PIGU: variants seen among roughly 807,000 people sequenced by gnomAD.
PIGU encodes the protein GPI-anchor transamidase component PIGU.
Under a neutral mutation model 49.9 loss-of-function variants are expected in PIGU, and 24 were observed. The observed-to-expected ratio is 0.48, with a 90% confidence interval of 0.35 to 0.68. The LOEUF is 0.68. PIGU is among the 30% of genes least tolerant of loss of function. The pLI is 0.01. For missense variants in PIGU, 490 were observed against 532.6 expected (o/e 0.92, Z 0.79); for synonymous variants, 220 against 205.7 (o/e 1.07, Z -0.59).
At chr20:34,638,180 C>T (rs1288233595) in intron 4 of PIGU, among the ~76,000 whole-genome samples, 195 bp from the exon 5 acceptor site, 3 of 152,308 alleles carry the variant, frequency 2.0e-5, no homozygotes, top group Middle Eastern at 3.4e-3. Context: ...TGCTGTGTCC[C>T]TCCTTTTCCC....
chr20:34,571,987 G>A (rs1252331570), intron 11 of PIGU, among the ~76,000 whole-genome samples: 1 of 152,122 alleles, frequency 6.6e-6, no homozygotes, highest in African/African-American at 2.4e-5. Context: ...GAAGTACTTG[G>A]ACCCCCTGCT....
chr20:34,569,339 C>T (rs1982910276), intron 11 of PIGU, among the ~76,000 whole-genome samples: 1 of 152,170 alleles, frequency 6.6e-6, no homozygotes, highest in African/African-American at 2.4e-5. Flanking sequence ...AAGCGATTCT[C>T]CTGCCTCAGC....
chr20:34,665,224 G>T (rs1486010455), intron 1 of PIGU, among the ~76,000 whole-genome samples: 1 of 35,256 alleles, frequency 2.8e-5, no homozygotes, highest in African/African-American at 1.1e-4. Context: ...TTTTTTTTGA[G>T]ACTGAGTCTC....
chr20:34,599,829 C>G (rs985300264), intron 7 of PIGU, among the ~76,000 whole-genome samples: 1 of 152,140 alleles, frequency 6.6e-6, no homozygotes, highest in Non-Finnish European at 1.5e-5. Context: ...TATGGCCCCC[C>G]CTGTAAGCTT....
chr20:34,622,162 A>G (rs1360341076), intron 6 of PIGU, among the ~76,000 whole-genome samples: 1 of 152,168 alleles, frequency 6.6e-6, no homozygotes, highest in African/African-American at 2.4e-5. Flanking sequence ...TTTCGTGAAA[A>G]TTCACGTATC....
At chr20:34,621,707 G>C (rs574354239) in intron 6 of PIGU, among the ~76,000 whole-genome samples, 2 of 152,338 alleles carry the variant, frequency 1.3e-5, no homozygotes, top group East Asian at 3.9e-4. Flanking sequence ...CAGAGTCAGA[G>C]AAGATCAAGG....
At chr20:34,652,166 A>T (rs982556529) in intron 2 of PIGU, among the ~76,000 whole-genome samples, 1 of 152,008 alleles carries the variant, frequency 6.6e-6, no homozygotes, top group Admixed American at 6.6e-5. Flanking sequence ...CAACCAGCTA[A>T]TTTATTTTTC....
intron 7 of PIGU, among the ~76,000 whole-genome samples, chr20:34,595,523 T>C (rs77349059): frequency 0.013 from 1,996 of 152,274 alleles, 49 homozygotes; most frequent in African/African-American, 0.046. Context: ...GAGGGAAGAC[T>C]GTAATTACCT....
intron 6 of PIGU, among the ~76,000 whole-genome samples, chr20:34,624,520 T>C (rs1341620584): frequency 6.6e-6 from 1 of 152,200 alleles, no homozygotes; most frequent in Non-Finnish European, 1.5e-5. Flanking sequence ...TTTGGTGGCA[T>C]AAGGAAAGCT....
At chr20:34,676,870 T>C (rs1265287735) in intron 1 of PIGU, 86 bp downstream of exon 1, 4 of 1,472,278 alleles carry the variant, frequency 2.7e-6, no homozygotes, top group African/African-American at 2.8e-5. Flanking sequence ...AACCGCGCGC[T>C]GGCGGTCACT....
chr20:34,643,371 A>G (rs1167857465), intron 4 of PIGU, among the ~76,000 whole-genome samples: 4 of 152,224 alleles, frequency 2.6e-5, no homozygotes, highest in African/African-American at 9.7e-5. Context: ...CACCAGCTTC[A>G]TCTGTCACTG....
At chr20:34,637,700 G>A (rs1251693914) in intron 5 of PIGU, among the ~76,000 whole-genome samples, 176 bp downstream of exon 5, 1 of 152,118 alleles carries the variant, frequency 6.6e-6, no homozygotes, top group Non-Finnish European at 1.5e-5. Flanking sequence ...AGACAGAATG[G>A]CTCTGTCTCT....
intron 11 of PIGU, among the ~76,000 whole-genome samples, chr20:34,572,534 A>T (rs930162807): frequency 2.0e-5 from 3 of 152,126 alleles, no homozygotes; most frequent in African/African-American, 7.2e-5. Context: ...CACGCCTATA[A>T]TCCTGGCTAC....
At chr20:34,665,424 C>G (rs1186062053) in intron 1 of PIGU, among the ~76,000 whole-genome samples, 1 of 151,158 alleles carries the variant, frequency 6.6e-6, no homozygotes, top group Non-Finnish European at 1.5e-5. Context: ...AGGATGGTCT[C>G]GATCTCCTGA....
chr20:34,645,390 G>T, intron 2 of PIGU, 56 bp from the exon 3 acceptor site: 1 of 1,504,090 alleles, frequency 6.6e-7, no homozygotes. Flanking sequence ...ACTATTATCA[G>T]TTTCCAGAGT....
Position 34,657,336 on chromosome 20 carries a change from G to A in PIGU, c.131-92C>T, listed in dbSNP as rs974557259. 63 of 881,594 alleles carry A rather than the reference G, an allele frequency of 7.1e-5. No individual in the cohort carries two copies. In the African/African-American group the frequency reaches 8.1e-4, roughly 11 times the overall value. The allele number at this position is 881,594 out of a possible 1,614,324, so 54.6% of individuals were successfully genotyped here. ...CCCCACAACCAAAAAGGGCCTTAGC[G>A]TTTATCTAACCCCCTTTACCTCATC... On this transcript the variant is annotated intron_variant, in intron 1 of 11. Transcript: ENST00000217446.
chr20:34,659,682 A>C (rs2146787570), intron 1 of PIGU, among the ~76,000 whole-genome samples: 1 of 152,260 alleles, frequency 6.6e-6, no homozygotes, highest in Admixed American at 6.5e-5. Flanking sequence ...TAGACATGGG[A>C]GACTTTTCAT....
At chr20:34,668,861 G>A (rs973053501) in intron 1 of PIGU, among the ~76,000 whole-genome samples, 2 of 134,172 alleles carry the variant, frequency 1.5e-5, no homozygotes, top group Admixed American at 8.4e-5. Context: ...TGAAAAAATG[G>A]TAAAACTTTT....
chr20:34,610,850 A>C (rs1984786185), intron 7 of PIGU, among the ~76,000 whole-genome samples: 1 of 152,164 alleles, frequency 6.6e-6, no homozygotes, highest in Admixed American at 6.5e-5. Context: ...ACTGCTACCA[A>C]AACAGAGATA....
Sources: allele counts gnomAD v4.1 joint callset (sites outside exome capture counted in the v4.1 genomes callset), GRCh38; gene constraint gnomAD v4.1.1; transcripts MANE v1.5; gene names NCBI Gene and HGNC (gene_info 2026-07-23, HGNC 2026-07-21).